CGB7: variants seen among roughly 807,000 people sequenced by gnomAD.
The protein encoded by CGB7 is chorionic gonadotropin subunit beta 7, also known as choriogonadotropin subunit beta 7.
CGB7 carries 6 observed loss-of-function variants against 7.3 expected under a neutral mutation model. The ratio of observed to expected loss-of-function variants is 0.82; its 90% confidence interval spans 0.45 to 1.62. The LOEUF is 1.62. Ranked by LOEUF, CGB7 falls within the 40% of genes most tolerant of loss-of-function variation. The probability of loss-of-function intolerance (pLI) is 0.01; values close to 1 mark genes in which losing one functional copy is unlikely to be tolerated. For missense variants in CGB7, 114 were observed against 236.2 expected (o/e 0.48, Z 3.39); for synonymous variants, 47 against 100.8 (o/e 0.47, Z 3.20).
intron 3 of CGB7, 55 bp downstream of exon 3, chr19:49,055,306 T>A: frequency 6.2e-7 from 1 of 1,608,694 alleles, no homozygotes; most frequent in Non-Finnish European, 8.5e-7. Flanking sequence ...CCCCTTCTCA[T>A]GCCAGTGATG....
At chr19:49,055,176 G>C (rs1447424271) in intron 3 of CGB7, 168 bp from the exon 4 acceptor site, 2 of 972,478 alleles carry the variant, frequency 2.1e-6, no homozygotes, top group Non-Finnish European at 1.2e-6. Context: ...CCCACAGCCC[G>C]AGGGACCTGA....
rs1297387300 is a variant in CGB7 at position 49,057,239 on chromosome 19, C to T, written c.-1339G>A. ...GACAGCGCGGGGTTCTTCGTGCAGG[C>T]GATTAGAGCCTGAGCAAGATTGGGG... On this transcript the variant is annotated 5_prime_UTR_variant, in exon 2 of 5. Coordinates refer to ENST00000684222, the MANE Select transcript of CGB7 (RefSeq NM_001385261.1). The T allele has an allele frequency of 2.0e-6, 3 of 1,533,184 alleles. No homozygotes were observed. In the South Asian group the frequency reaches 3.6e-5, roughly 18 times the overall value. 95.0% of individuals were successfully genotyped at this position (1,533,184 alleles called of 1,614,324 possible). A position where few individuals can be genotyped will look rare whatever the true frequency, so the allele number is the denominator to read the frequency against.
chr19:49,056,462 C>G lies in CGB7; in HGVS notation c.-1087G>C, dbSNP rs1470916895. 9.2e-6 allele frequency: 12 copies of G among 1,299,806 alleles called. No homozygotes were observed. The highest frequency in any genetic ancestry group is 9.1e-5 in the Admixed American group (4 of 43,994). The allele number at this position is 1,299,806 out of a possible 1,614,324, so 80.5% of individuals were successfully genotyped here. A position where few individuals can be genotyped will look rare whatever the true frequency, so the allele number is the denominator to read the frequency against. On this transcript the variant is annotated 5_prime_UTR_variant, in exon 3 of 5. Transcript: ENST00000684222. Reference sequence around the variant, plus strand: ...TTCCTGAGCCGGAGACATGGCCCGCCGTGCGGCGCTCGAGGCGGCCTGGAA... The same window carrying G: ...TTCCTGAGCCGGAGACATGGCCCGCGGTGCGGCGCTCGAGGCGGCCTGGAA...
chr19:49,056,086 C>T lies in CGB7; in HGVS notation c.-711G>A. On this transcript the variant is annotated 5_prime_UTR_variant, in exon 3 of 5. Coordinates refer to ENST00000684222, the MANE Select transcript of CGB7 (RefSeq NM_001385261.1). Reference sequence around the variant, plus strand: ...CGGAGGACATTGTCTGGACTTAGTCCCTTCCCCGCGATCCAGCCGCAGCTG... The same window carrying T: ...CGGAGGACATTGTCTGGACTTAGTCTCTTCCCCGCGATCCAGCCGCAGCTG... The T allele has an allele frequency of 1.7e-6, 2 of 1,181,514 alleles. No individual in the cohort carries two copies. The highest frequency in any genetic ancestry group is 2.1e-6 in the Non-Finnish European group (2 of 935,866). 73.2% of individuals were successfully genotyped at this position (1,181,514 alleles called of 1,614,324 possible).
In CGB7 at chr19:49,057,724, C is replaced by G; in HGVS notation, c.-1611G>C. ...GAGCCCTGAAGGCGAGTTTCCAGCC[C>G]CTGGTCCTTCTGGCCTGGCGTGGAT... On this transcript the variant is annotated 5_prime_UTR_variant, in exon 1 of 5. Coordinates refer to ENST00000684222, the MANE Select transcript of CGB7 (RefSeq NM_001385261.1). 7.6e-7 allele frequency: 1 copy of G among 1,313,976 alleles called. No individual in the cohort carries two copies. Among genetic ancestry groups the G allele is most frequent in the Non-Finnish European group, 9.7e-7 (1 of 1,032,724 alleles). The allele number at this position is 1,313,976 out of a possible 1,614,324, so 81.4% of individuals were successfully genotyped here. A position where few individuals can be genotyped will look rare whatever the true frequency, so the allele number is the denominator to read the frequency against.
In CGB7 at chr19:49,057,739, C is replaced by G; in HGVS notation, c.-1626G>C. ...GTTTCCAGCCCCTGGTCCTTCTGGC[C>G]TGGCGTGGATGCCCAGCCCTTCCTC... On this transcript the variant is annotated 5_prime_UTR_variant, in exon 1 of 5. Coordinates refer to ENST00000684222, the MANE Select transcript of CGB7 (RefSeq NM_001385261.1). The G allele has an allele frequency of 7.5e-7, 1 of 1,333,478 alleles. No homozygotes were observed. The highest frequency in any genetic ancestry group is 9.6e-7 in the Non-Finnish European group (1 of 1,044,554). 82.6% of individuals were successfully genotyped at this position (1,333,478 alleles called of 1,614,324 possible).
At position 49,055,705 on chromosome 19, in the gene CGB7, A is replaced by G. The variant is rs546727970; in HGVS notation, c.-330T>C. The G allele has an allele frequency of 1.1e-3, 1,465 of 1,289,738 alleles. 15 individuals carry two copies. The African/African-American group carries it at 0.019, about 17-fold the overall frequency. 79.9% of individuals were successfully genotyped at this position (1,289,738 alleles called of 1,614,324 possible). A position where few individuals can be genotyped will look rare whatever the true frequency, so the allele number is the denominator to read the frequency against. On this transcript the variant is annotated 5_prime_UTR_variant, in exon 3 of 5. Coordinates refer to ENST00000684222, the MANE Select transcript of CGB7 (RefSeq NM_001385261.1). ...CTCTGCCTATGGTGGGGTCTTGGGAACCAGGAGGAGGCCGTGACCCGAGAA... is the reference window on the plus strand; with the variant it reads ...CTCTGCCTATGGTGGGGTCTTGGGAGCCAGGAGGAGGCCGTGACCCGAGAA...
At chr19:49,057,045 C>T in intron 2 of CGB7, 76 bp downstream of exon 2, 1 of 1,467,434 alleles carries the variant, frequency 6.8e-7, no homozygotes, top group Non-Finnish European at 9.2e-7. Flanking sequence ...GAATGGGAGC[C>T]AGCCCAGGGG....
At position 49,056,572 on chromosome 19, in the gene CGB7, C is replaced by G. The variant is rs367993572; in HGVS notation, c.-1197G>C. 8.5e-6 allele frequency: 11 copies of G among 1,294,686 alleles called. No individual in the cohort carries two copies. The East Asian group carries it at 1.5e-4, about 18-fold the overall frequency. The allele number at this position is 1,294,686 out of a possible 1,614,324, so 80.2% of individuals were successfully genotyped here. On this transcript the variant is annotated 5_prime_UTR_variant, in exon 3 of 5. Coordinates refer to ENST00000684222, the MANE Select transcript of CGB7 (RefSeq NM_001385261.1). ...GCTCCAGTAGGTCAGGTAGTCCTTG[C>G]GGGGGTATCCGGACGGCTCCGTCCT...
rs931624565 is a variant in CGB7 at position 49,055,898 on chromosome 19, G to A, written c.-523C>T. On this transcript the variant is annotated 5_prime_UTR_variant, in exon 3 of 5. Coordinates refer to ENST00000684222, the MANE Select transcript of CGB7 (RefSeq NM_001385261.1). ...ACTTGACCCAGATGCCCCCCAACGAGGGATTCAGCCCGAGCCCCACCTCTC... is the reference window on the plus strand; with the variant it reads ...ACTTGACCCAGATGCCCCCCAACGAAGGATTCAGCCCGAGCCCCACCTCTC... The A allele has an allele frequency of 5.4e-5, 58 of 1,079,814 alleles. No individual in the cohort carries two copies. Among genetic ancestry groups the A allele is most frequent in the Non-Finnish European group, 5.9e-5 (52 of 883,614 alleles). The allele number at this position is 1,079,814 out of a possible 1,614,324, so 66.9% of individuals were successfully genotyped here. A position where few individuals can be genotyped will look rare whatever the true frequency, so the allele number is the denominator to read the frequency against.
chr19:49,056,348 AG>A lies in CGB7; in HGVS notation c.-974del. On this transcript the variant is annotated 5_prime_UTR_variant, in exon 3 of 5. The change creates a premature stop within an existing upstream ORF in the 5' untranslated region. Transcript: ENST00000684222. ...TTTCGGGACGCTGTGTATGCCCGGC[AG>A]GGGCTTCCAGTGGGGGCCACCCCAA... is the stretch of plus-strand genomic sequence containing the variant. 7.7e-7 allele frequency: 1 copy of A among 1,295,090 alleles called. No homozygotes were observed. Among genetic ancestry groups the A allele is most frequent in the South Asian group, 1.2e-5 (1 of 81,942 alleles). The allele number at this position is 1,295,090 out of a possible 1,614,324, so 80.2% of individuals were successfully genotyped here. A position where few individuals can be genotyped will look rare whatever the true frequency, so the allele number is the denominator to read the frequency against.
At position 49,054,380 on chromosome 19, in the gene CGB7, C is replaced by G. The variant is rs2040027945; in HGVS notation, c.409G>C (p.Ala137Pro). 6.2e-6 allele frequency: 10 copies of G among 1,609,226 alleles called. No homozygotes were observed. The East Asian group carries it at 1.8e-4, about 29-fold the overall frequency. Residue 137 changes from alanine to proline, a missense_variant, in exon 5 of 5, where the codon GCC becomes CCC. By Grantham distance (27) the Ala-to-Pro change is conservative (BLOSUM62 -1). This residue lies in a region of CGB7 where 36 missense variants were observed against 126.1 expected (regional missense o/e 0.29). Transcript: ENST00000684222. Reference protein sequence around the residue: ...PLTCDDPRFQASSSSKAPPPS... With the variant: ...PLTCDDPRFQPSSSSKAPPPS... The stretch of plus-strand genomic sequence containing the variant: ...GGAGGGGCCTTTGAGGAAGAGGAGG[C>G]CTGGAAGCGGGGGTCATCACAGGTC...
In CGB7 at chr19:49,055,558, C is replaced by T; in HGVS notation, c.-183G>A. The T allele has an allele frequency of 6.5e-7, 1 of 1,536,262 alleles. No homozygotes were observed. The highest frequency in any genetic ancestry group is 2.3e-5 in the East Asian group (1 of 43,900). ...GCGGAGCACCCCAGTCCTCTCCCCT[C>T]AGTGGTCTAGCGCCAAGGATGAGGC... On this transcript the variant is annotated 5_prime_UTR_variant, in exon 3 of 5. Transcript: ENST00000684222.
At chr19:49,057,395 C>T (rs1478527583) in intron 1 of CGB7, 67 bp downstream of exon 1, 8 of 1,404,022 alleles carry the variant, frequency 5.7e-6, no homozygotes, top group Non-Finnish European at 6.5e-6. Flanking sequence ...GGGTCAGAGC[C>T]CTTCCTGCCA....
Position 49,055,504 on chromosome 19 carries a change from C to T in CGB7, c.-129G>A. On this transcript the variant is annotated 5_prime_UTR_variant, in exon 3 of 5. Coordinates refer to ENST00000684222, the MANE Select transcript of CGB7 (RefSeq NM_001385261.1). ...AACCCTTCGGGGGGCGAGAAGTAGA[C>T]AAGGCCAGGGAGGCACAGGAGTGGC... The T allele has an allele frequency of 6.3e-7, 1 of 1,599,446 alleles. No individual in the cohort carries two copies. The highest frequency in any genetic ancestry group is 8.5e-7 in the Non-Finnish European group (1 of 1,171,358).
At position 49,056,405 on chromosome 19, in the gene CGB7, C is replaced by G; in HGVS notation, c.-1030G>C. On this transcript the variant is annotated 5_prime_UTR_variant, in exon 3 of 5. Transcript: ENST00000684222. ...CTCCAGCGGGCGGAAGCGGTCGAGC[C>G]GGCGGAGCGGGTGCGGCGAGGAGCT... The G allele has an allele frequency of 1.5e-6, 2 of 1,296,204 alleles. No homozygotes were observed. Among genetic ancestry groups the G allele is most frequent in the South Asian group, 1.2e-5 (1 of 81,896 alleles). The allele number at this position is 1,296,204 out of a possible 1,614,324, so 80.3% of individuals were successfully genotyped here. A position where few individuals can be genotyped will look rare whatever the true frequency, so the allele number is the denominator to read the frequency against.
Position 49,055,452 on chromosome 19 carries a change from G to T in CGB7, c.-77C>A. The T allele has an allele frequency of 4.4e-6, 7 of 1,607,748 alleles. 1 individual carries two copies. Among genetic ancestry groups the T allele is most frequent in the Non-Finnish European group, 5.1e-6 (6 of 1,176,572 alleles). On this transcript the variant is annotated 5_prime_UTR_variant, in exon 3 of 5. Coordinates refer to ENST00000684222, the MANE Select transcript of CGB7 (RefSeq NM_001385261.1). Reference sequence around the variant, plus strand: ...GGGGCGTCAAGGCCACCAGGAGGTTGTAGGATGCTGGAGTGAGCTGGACAC... The same window carrying T: ...GGGGCGTCAAGGCCACCAGGAGGTTTTAGGATGCTGGAGTGAGCTGGACAC...
rs376356225 is a variant in CGB7 at position 49,055,278 on chromosome 19, A to G, written c.15+83T>C. On this transcript the variant is annotated intron_variant, in intron 3 of 4. Transcript: ENST00000684222. Reference sequence around the variant, plus strand: ...CTCCTCCAGAAAGAGGCGTCCTTCCACAGCTCACACTGGTCTGCCCCTTCT... The same window carrying G: ...CTCCTCCAGAAAGAGGCGTCCTTCCGCAGCTCACACTGGTCTGCCCCTTCT... 4.4e-5 allele frequency: 71 copies of G among 1,607,766 alleles called. No homozygotes were observed. In the African/African-American group the frequency reaches 8.6e-4, roughly 19 times the overall value.
Position 49,055,701 on chromosome 19 carries a change from G to A in CGB7, c.-326C>T. ...CTGCCTCTGCCTATGGTGGGGTCTT[G>A]GGAACCAGGAGGAGGCCGTGACCCG... On this transcript the variant is annotated 5_prime_UTR_variant, in exon 3 of 5. Transcript: ENST00000684222. The A allele has an allele frequency of 1.5e-6, 2 of 1,302,294 alleles. No individual in the cohort carries two copies. Among genetic ancestry groups the A allele is most frequent in the South Asian group, 1.8e-5 (1 of 55,250 alleles). 80.7% of individuals were successfully genotyped at this position (1,302,294 alleles called of 1,614,324 possible).
Sources: allele counts gnomAD v4.1 joint callset, GRCh38; gene constraint gnomAD v4.1.1; regional missense constraint gnomAD v4.1.1; transcripts MANE v1.5; gene names NCBI Gene and HGNC (gene_info 2026-07-23, HGNC 2026-07-21).